Variants in FOXP2 observed in about 807,000 individuals in gnomAD.
FOXP2 encodes forkhead box P2, also known as forkhead box protein P2.
A neutral mutation model predicts 115.8 loss-of-function variants in FOXP2; 12 were observed. That is an observed-to-expected ratio of 0.10 (90% CI 0.07 to 0.17). FOXP2 has a LOEUF of 0.17. Ranked by LOEUF, FOXP2 falls within the 10% of genes least tolerant of loss-of-function variation. The pLI, the probability that FOXP2 is intolerant of heterozygous loss-of-function variation, is 1.00. For synonymous variants in FOXP2, 328 were observed against 297.7 expected (o/e 1.10, Z -1.05); for missense variants, 629 against 843.5 (o/e 0.75, Z 3.15).
In FOXP2 at chr7:114,207,498, C is replaced by T. The variant is rs141303597; in HGVS notation, c.-102+44410C>T. On this transcript the variant is annotated intron_variant, in intron 1 of 17. Transcript: ENST00000634411. ...CATAAATACAGTATAAAACATTTAG[C>T]TTGTAAGCATCTGAAGAACATAAAA... Among the ~76,000 whole-genome samples, 7 of 152,256 alleles carry T rather than the reference C, an allele frequency of 4.6e-5. No homozygotes were observed. In the East Asian group the frequency reaches 1.4e-3, roughly 29 times the overall value.
intron 2 of FOXP2, among the ~76,000 whole-genome samples, chr7:114,506,043 A>C: frequency 6.6e-6 from 1 of 150,880 alleles, no homozygotes; most frequent in East Asian, 2.0e-4. Flanking sequence ...AAAAAACAAC[A>C]AAAAAAAGCT....
At chr7:114,490,536 G>A (rs1796991733) in intron 2 of FOXP2, among the ~76,000 whole-genome samples, 1 of 151,928 alleles carries the variant, frequency 6.6e-6, no homozygotes, top group Non-Finnish European at 1.5e-5. Flanking sequence ...TTAAGTTTTA[G>A]GGTACATGTG....
chr7:114,393,349 A>G (rs1792655234), intron 2 of FOXP2, among the ~76,000 whole-genome samples: 1 of 151,704 alleles, frequency 6.6e-6, no homozygotes, highest in African/African-American at 2.4e-5. Flanking sequence ...TGGCAAAAAA[A>G]TGGTAGGTGT....
intron 16 of FOXP2, among the ~76,000 whole-genome samples, chr7:114,674,311 T>C (rs1807648530): frequency 1.3e-5 from 2 of 152,232 alleles, no homozygotes; most frequent in Admixed American, 6.5e-5. Context: ...TTTCTACTTA[T>C]ATCCTGGATA....
chr7:114,278,489 G>A (rs1357645179), intron 1 of FOXP2, among the ~76,000 whole-genome samples: 2 of 151,840 alleles, frequency 1.3e-5, no homozygotes, highest in Admixed American at 6.6e-5. Flanking sequence ...CGAGTAGCTG[G>A]GATTACAGGC....
chr7:114,615,248 C>T (rs1395421952), intron 3 of FOXP2, among the ~76,000 whole-genome samples: 2 of 152,068 alleles, frequency 1.3e-5, no homozygotes, highest in Non-Finnish European at 2.9e-5. Context: ...AATACAATTT[C>T]TTCTAATCCA....
At chr7:114,446,777 T>A (rs1378892754) in intron 2 of FOXP2, among the ~76,000 whole-genome samples, 6 of 150,534 alleles carry the variant, frequency 4.0e-5, no homozygotes, top group Admixed American at 4.0e-4. Flanking sequence ...CAGAGTCTCA[T>A]TCTGTAGCTC....
chr7:114,219,218 T>G (rs1052134917), intron 1 of FOXP2, among the ~76,000 whole-genome samples: 1 of 152,090 alleles, frequency 6.6e-6, no homozygotes, highest in Non-Finnish European at 1.5e-5. Flanking sequence ...ATATAAAATT[T>G]TAATTATATG....
chr7:114,587,837 C>G (rs1802214785), intron 3 of FOXP2, among the ~76,000 whole-genome samples: 1 of 92,960 alleles, frequency 1.1e-5, no homozygotes, highest in African/African-American at 3.9e-5. Flanking sequence ...AATAGTTTCT[C>G]AAAGTTCAAA....
intron 2 of FOXP2, chr7:114,297,260 C>T (rs904045149): frequency 1.2e-5 from 6 of 481,388 alleles, no homozygotes; most frequent in South Asian, 4.2e-5. Flanking sequence ...GACTCCATGG[C>T]GCGCAGCTCC....
chr7:114,638,204 AC>A (rs902404220), intron 6 of FOXP2, among the ~76,000 whole-genome samples: 33 of 152,224 alleles, frequency 2.2e-4, no homozygotes, highest in African/African-American at 7.7e-4. Flanking sequence ...TTTAAAACTT[AC>A]GCAAACTAGT....
At chr7:114,538,892 C>T (rs1426468658) in intron 3 of FOXP2, among the ~76,000 whole-genome samples, 2 of 151,868 alleles carry the variant, frequency 1.3e-5, no homozygotes, top group East Asian at 3.9e-4. Flanking sequence ...GTATGGAAAA[C>T]CATTGCGCAA....
chr7:114,334,642 G>GA (rs79290508), intron 2 of FOXP2, among the ~76,000 whole-genome samples: 82,777 of 148,516 alleles, frequency 0.56, 23,824 homozygotes, highest in East Asian at 0.84. Flanking sequence ...AAAGAAGAAG[G>GA]AAAAAAAACC....
intron 2 of FOXP2, among the ~76,000 whole-genome samples, chr7:114,327,227 G>A (rs1797578298): frequency 6.6e-6 from 1 of 152,094 alleles, no homozygotes; most frequent in Non-Finnish European, 1.5e-5. Flanking sequence ...TTCTCCTTCT[G>A]TTAGCCAGGT....
intron 2 of FOXP2, among the ~76,000 whole-genome samples, chr7:114,436,204 T>G (rs1470930776): frequency 1.3e-5 from 2 of 151,944 alleles, no homozygotes; most frequent in Admixed American, 6.6e-5. Context: ...AATATAATTA[T>G]TAATTTATTT....
intron 2 of FOXP2, among the ~76,000 whole-genome samples, chr7:114,404,188 A>G (rs776589477): frequency 2.0e-5 from 3 of 152,110 alleles, no homozygotes; most frequent in Non-Finnish European, 4.4e-5. Flanking sequence ...TCAAATAATT[A>G]TGACTTTACA....
At chr7:114,087,754 C>A (rs1298030195) in exon 1 of FOXP2, 2 of 151,806 alleles carry the variant, frequency 1.3e-5, no homozygotes, top group African/African-American at 4.8e-5. Flanking sequence ...TCAGTGTGGA[C>A]CCTCACTTGC....
chr7:114,661,480 T>G (rs891675501), intron 13 of FOXP2, among the ~76,000 whole-genome samples: 2 of 151,894 alleles, frequency 1.3e-5, no homozygotes, highest in African/African-American at 4.8e-5. Context: ...ATTGGGAATT[T>G]AAAAAAAATC....
intron 2 of FOXP2, among the ~76,000 whole-genome samples, chr7:114,344,538 G>A (rs1791293579): frequency 6.6e-6 from 1 of 151,786 alleles, no homozygotes; most frequent in African/African-American, 2.4e-5. Flanking sequence ...AATGTAATCT[G>A]GGGTTTAGTG....
Sources: gnomAD v4.1 joint callset for allele counts (sites outside exome capture counted in the v4.1 genomes callset) on GRCh38, gnomAD v4.1.1 for gene constraint, MANE v1.5 for transcripts, NCBI Gene and HGNC (gene_info 2026-07-23, HGNC 2026-07-21) for gene names.